The following MAP3K7CL variants were observed in gnomAD, a reference collection of about 807,000 sequenced individuals.
The protein encoded by MAP3K7CL is MAP3K7 C-terminal like.
Under a neutral mutation model 18.6 loss-of-function variants are expected in MAP3K7CL, and 16 were observed. The ratio of observed to expected loss-of-function variants is 0.86; its 90% CI spans 0.58 to 1.31. MAP3K7CL has a LOEUF of 1.31. Among genes scored for constraint, MAP3K7CL ranks in the 50% most tolerant of loss-of-function variants. MAP3K7CL has a pLI of 0.00. For synonymous variants in MAP3K7CL, 65 were observed against 66.8 expected (o/e 0.97, Z 0.13); for missense variants, 163 against 174.4 (o/e 0.93, Z 0.37).
upstream of MAP3K7CL, among the ~76,000 whole-genome samples, chr21:29,082,156 G>A (rs2085846804): frequency 6.6e-6 from 1 of 152,122 alleles, no homozygotes; most frequent in Non-Finnish European, 1.5e-5. Context: ...AAAGTAATAA[G>A]TATTCTCTAC....
At chr21:29,141,310 G>A (rs1446873729) in intron 2 of MAP3K7CL, among the ~76,000 whole-genome samples, 1 of 152,012 alleles carries the variant, frequency 6.6e-6, no homozygotes, top group African/African-American at 2.4e-5. Context: ...GTCAGGAGAT[G>A]GAGACTATCC....
chr21:29,160,072 C>A lies in MAP3K7CL; in HGVS notation c.248+16C>A, dbSNP rs750091957. On this transcript the variant is annotated intron_variant, in intron 4 of 4. Coordinates refer to ENST00000399928, the MANE Select transcript of MAP3K7CL (RefSeq NM_001286620.2). ...AGCAAAGGAAGTAAGTACCTACCCC[C>A]CTCACTCTACATCTGAGCACTGCCT... 6.3e-7 allele frequency: 1 copy of A among 1,593,472 alleles called. No individual in the cohort carries two copies. Among genetic ancestry groups the A allele is most frequent in the Non-Finnish European group, 8.6e-7 (1 of 1,161,504 alleles).
chr21:29,083,305 A>T (rs374849592), upstream of MAP3K7CL, among the ~76,000 whole-genome samples: 1 of 86,574 alleles, frequency 1.2e-5, no homozygotes, highest in East Asian at 2.6e-4. Flanking sequence ...CGTGCAGCAC[A>T]TTCCCATTTA....
chr21:29,132,516 A>G (rs2086797932), intron 1 of MAP3K7CL, among the ~76,000 whole-genome samples: 1 of 151,882 alleles, frequency 6.6e-6, no homozygotes. Context: ...TTCTTTATTT[A>G]TTTATTTATT....
chr21:29,125,590 CA>C (rs2146603204), intron 4 of MAP3K7CL, among the ~76,000 whole-genome samples: 1 of 152,298 alleles, frequency 6.6e-6, no homozygotes, highest in Admixed American at 6.5e-5. Flanking sequence ...ACTCTAGAAA[CA>C]TACAATTTTT....
chr21:29,163,852 T>C (rs1368957402), intron 4 of MAP3K7CL, among the ~76,000 whole-genome samples: 1 of 151,996 alleles, frequency 6.6e-6, no homozygotes, highest in East Asian at 1.9e-4. Context: ...CATGCCAGCA[T>C]GCCCAGTTAA....
At chr21:29,112,326 TA>T (rs2086433072) in intron 4 of MAP3K7CL, among the ~76,000 whole-genome samples, 1 of 151,924 alleles carries the variant, frequency 6.6e-6, no homozygotes, top group Non-Finnish European at 1.5e-5. Flanking sequence ...AAATAAAACA[TA>T]AAAAAATCTT....
In MAP3K7CL at chr21:29,118,088, T is replaced by TA. The variant is rs537067980; in HGVS notation, c.370+25514dup. Among the ~76,000 whole-genome samples, 52 of 146,324 alleles carry TA rather than the reference T, an allele frequency of 3.6e-4. 1 individual carries two copies. The South Asian group carries it at 0.012, about 33-fold the overall frequency. On this transcript the variant is annotated intron_variant, in intron 4 of 6. Transcript: ENST00000286791. ...GAGTATTAATTTAATTTTTTTAAAT[T>TA]AAAAAAATTTTTTTTGAGACGGACT...
At chr21:29,148,182 A>G (rs918467589) in intron 2 of MAP3K7CL, among the ~76,000 whole-genome samples, 1 of 151,930 alleles carries the variant, frequency 6.6e-6, no homozygotes, top group African/African-American at 2.4e-5. Flanking sequence ...CTGTATGTAT[A>G]TGTGTACTGT....
intron 3 of MAP3K7CL, among the ~76,000 whole-genome samples, chr21:29,158,556 G>T (rs566460143): frequency 1.3e-5 from 2 of 152,222 alleles, no homozygotes; most frequent in South Asian, 4.2e-4. Flanking sequence ...GATACATAGG[G>T]AATGTCATCT....
At chr21:29,145,015 A>G (rs1385352802) in intron 2 of MAP3K7CL, among the ~76,000 whole-genome samples, 1 of 152,228 alleles carries the variant, frequency 6.6e-6, no homozygotes, top group Non-Finnish European at 1.5e-5. Context: ...GTTTATATAA[A>G]AAATTTTCCT....
intron 1 of MAP3K7CL, among the ~76,000 whole-genome samples, chr21:29,088,682 C>G (rs1313189213): frequency 2.0e-5 from 3 of 152,126 alleles, no homozygotes; most frequent in Admixed American, 1.3e-4. Context: ...TACAGATGCC[C>G]AATCTATAAA....
chr21:29,149,448 A>G (rs527943368), intron 3 of MAP3K7CL, among the ~76,000 whole-genome samples, 198 bp downstream of exon 3: 5 of 152,292 alleles, frequency 3.3e-5, no homozygotes, highest in Admixed American at 6.5e-5. Flanking sequence ...TTATCTGGCT[A>G]TGGCACCAGG....
At chr21:29,086,321 T>A (rs1473613575) in intron 1 of MAP3K7CL, among the ~76,000 whole-genome samples, 1 of 152,186 alleles carries the variant, frequency 6.6e-6, no homozygotes, top group Admixed American at 6.5e-5. Context: ...GGAAAAATCA[T>A]TGGCACATCT....
rs553074230 is a variant in MAP3K7CL at position 29,165,798 on chromosome 21, C to T, written c.248+5742C>T. On this transcript the variant is annotated intron_variant, in intron 4 of 4. Transcript: ENST00000399928. ...TGTTGGCCAGGCTGGTCTCAAACTC[C>T]TGGCCTCAAGTGATCGGGCTGCTAA... 2.0e-5 allele frequency among the ~76,000 whole-genome samples: 3 copies of T among 152,316 alleles called. No homozygotes were observed. In the East Asian group the frequency reaches 5.8e-4, roughly 29 times the overall value.
At chr21:29,128,978 A>G (rs1242752971), upstream of MAP3K7CL, among the ~76,000 whole-genome samples, 1 of 152,224 alleles carries the variant, frequency 6.6e-6, no homozygotes, top group East Asian at 1.9e-4. Flanking sequence ...TTATTGTTGT[A>G]TATATCATAA....
intron 4 of MAP3K7CL, among the ~76,000 whole-genome samples, chr21:29,170,621 GTC>G (rs67579815): frequency 0.37 from 56,085 of 151,476 alleles, 12,601 homozygotes; most frequent in Non-Finnish European, 0.5. Context: ...TTTAAAGCAT[GTC>G]TCTCTCTCTT....
At chr21:29,143,034 G>T (rs746287987) in intron 2 of MAP3K7CL, among the ~76,000 whole-genome samples, 2 of 152,184 alleles carry the variant, frequency 1.3e-5, no homozygotes, top group African/African-American at 2.4e-5. Flanking sequence ...TGCCTTGTAA[G>T]TGTCAGTTTG....
At chr21:29,088,032 CTAAG>C (rs1202780193) in intron 1 of MAP3K7CL, among the ~76,000 whole-genome samples, 1 of 152,188 alleles carries the variant, frequency 6.6e-6, no homozygotes, top group Non-Finnish European at 1.5e-5. Flanking sequence ...AATCTACTCA[CTAAG>C]TGAGTAAGAG....
Sources: gnomAD v4.1 joint callset for allele counts (sites outside exome capture counted in the v4.1 genomes callset) on GRCh38, gnomAD v4.1.1 for gene constraint, MANE v1.5 for transcripts, NCBI Gene and HGNC (gene_info 2026-07-23, HGNC 2026-07-21) for gene names.